The following CNTN4 variants were observed in gnomAD, a reference collection of about 807,000 sequenced individuals.
The protein encoded by CNTN4 is contactin-4.
A neutral mutation model predicts 122.5 loss-of-function variants in CNTN4; 77 were observed. The observed-to-expected ratio is 0.63, with a 90% confidence interval of 0.52 to 0.76. The LOEUF is 0.76. CNTN4 is among the 30% of genes least tolerant of loss of function. The pLI, the probability that CNTN4 is intolerant of heterozygous loss-of-function variation, is 0.00. For missense variants in CNTN4, 1,256 were observed against 1,259.1 expected (o/e 1.00, Z 0.04); for synonymous variants, 512 against 447.0 (o/e 1.15, Z -1.83).
chr3:2,771,603 T>G (rs1183281685), intron 6 of CNTN4, among the ~76,000 whole-genome samples: 2 of 152,208 alleles, frequency 1.3e-5, no homozygotes, highest in East Asian at 3.8e-4. Context: ...GTTGACATAT[T>G]TTCTTCCAAT....
chr3:2,941,152 C>T (rs2094611102), intron 13 of CNTN4, among the ~76,000 whole-genome samples: 1 of 151,972 alleles, frequency 6.6e-6, no homozygotes, highest in African/African-American at 2.4e-5. Flanking sequence ...TTCTCAAGGA[C>T]TTTCCCTCCT....
At chr3:2,846,354 C>T (rs1315005197) in intron 7 of CNTN4, among the ~76,000 whole-genome samples, 1 of 152,160 alleles carries the variant, frequency 6.6e-6, no homozygotes, top group African/African-American at 2.4e-5. Context: ...CCTTCCTTCG[C>T]TTTCATTGTC....
intron 3 of CNTN4, among the ~76,000 whole-genome samples, chr3:2,540,058 C>T (rs1176375268): frequency 6.8e-6 from 1 of 146,670 alleles, no homozygotes; most frequent in Non-Finnish European, 1.5e-5. Flanking sequence ...CCATAATCTG[C>T]TTCATCAGTG....
At position 2,872,573 on chromosome 3, in the gene CNTN4, T is replaced by C. The variant is rs191669499; in HGVS notation, c.652+5624T>C. On this transcript the variant is annotated intron_variant, in intron 8 of 24. Coordinates refer to ENST00000418658, the MANE Select transcript of CNTN4 (RefSeq NM_175607.3). Reference sequence around the variant, plus strand: ...GATAGGTCCATGCATTGCACAGTAATTGTTAAATATTTTTGAATATTAACC... The same window carrying C: ...GATAGGTCCATGCATTGCACAGTAACTGTTAAATATTTTTGAATATTAACC... Among the ~76,000 whole-genome samples the C allele has an allele frequency of 2.6e-3, 398 of 152,274 alleles. 3 individuals carry two copies. The highest frequency in any genetic ancestry group is 6.4e-3 in the African/African-American group (264 of 41,568).
intron 13 of CNTN4, among the ~76,000 whole-genome samples, chr3:2,966,743 A>G (rs951800596): frequency 6.6e-6 from 1 of 152,226 alleles, no homozygotes; most frequent in Non-Finnish European, 1.5e-5. Context: ...TCCCATAAAT[A>G]TATATGCCTA....
chr3:2,589,147 A>C (rs577943067), intron 4 of CNTN4, among the ~76,000 whole-genome samples: 1 of 152,208 alleles, frequency 6.6e-6, no homozygotes, highest in Non-Finnish European at 1.5e-5. Context: ...GCCCTAGAAC[A>C]GCGATGGCCT....
intron 23 of CNTN4, among the ~76,000 whole-genome samples, chr3:3,051,293 C>G (rs1376487733): frequency 6.6e-6 from 1 of 152,132 alleles, no homozygotes; most frequent in East Asian, 1.9e-4. Context: ...ATATCAAATG[C>G]AAGCACAGCC....
Position 2,790,880 on chromosome 3 carries a change from C to A in CNTN4, c.359-28606C>A, listed in dbSNP as rs576600169. Among the ~76,000 whole-genome samples the A allele has an allele frequency of 8.5e-5, 13 of 152,270 alleles. No homozygotes were observed. In the South Asian group the frequency reaches 2.5e-3, roughly 29 times the overall value. ...AGTATTTGATGATAATCAGCATCTG[C>A]CATCACCATTTTGCAGACATGACAG... On this transcript the variant is annotated intron_variant, in intron 6 of 24. Transcript: ENST00000418658.
intron 2 of CNTN4, among the ~76,000 whole-genome samples, chr3:2,319,001 G>A (rs1469682823): frequency 2.0e-5 from 3 of 152,038 alleles, no homozygotes; most frequent in East Asian, 1.9e-4. Flanking sequence ...TTTACGGAGG[G>A]GCCAGTTAAC....
chr3:2,353,895 T>C (rs554156621), intron 3 of CNTN4, among the ~76,000 whole-genome samples: 2 of 151,618 alleles, frequency 1.3e-5, no homozygotes, highest in African/African-American at 2.4e-5. Flanking sequence ...CGAGACTCCG[T>C]CTCAAAAAAA....
intron 2 of CNTN4, among the ~76,000 whole-genome samples, chr3:2,200,030 A>G (rs992532838): frequency 2.0e-5 from 3 of 152,208 alleles, no homozygotes; most frequent in Non-Finnish European, 2.9e-5. Context: ...ATGGGACAGC[A>G]TTGGAGACTT....
chr3:2,763,384 C>G (rs182671612), intron 6 of CNTN4, among the ~76,000 whole-genome samples: 5 of 152,110 alleles, frequency 3.3e-5, no homozygotes, highest in African/African-American at 1.2e-4. Flanking sequence ...AGATATTAGA[C>G]CTTAATCAGA....
intron 4 of CNTN4, among the ~76,000 whole-genome samples, chr3:2,595,913 G>A (rs1473722919): frequency 6.6e-6 from 1 of 152,092 alleles, no homozygotes; most frequent in Non-Finnish European, 1.5e-5. Context: ...ATCGCCATGA[G>A]GATTATGTAT....
intron 3 of CNTN4, among the ~76,000 whole-genome samples, chr3:2,484,502 A>G (rs548688358): frequency 6.6e-6 from 1 of 152,282 alleles, no homozygotes; most frequent in East Asian, 1.9e-4. Context: ...GGACCCTGGA[A>G]GCAATTTATA....
intron 3 of CNTN4, among the ~76,000 whole-genome samples, chr3:2,515,297 A>T (rs2077008625): frequency 6.6e-6 from 1 of 152,182 alleles, no homozygotes; most frequent in Non-Finnish European, 1.5e-5. Flanking sequence ...TATACTCTAA[A>T]TTGAAGATGA....
intron 13 of CNTN4, among the ~76,000 whole-genome samples, chr3:2,950,301 T>C (rs1381777660): frequency 1.3e-5 from 2 of 152,214 alleles, no homozygotes; most frequent in African/African-American, 4.8e-5. Flanking sequence ...ACTCAGGTTG[T>C]CTGGCATCTG....
chr3:2,788,694 A>G (rs550200210), intron 6 of CNTN4, among the ~76,000 whole-genome samples: 5 of 152,198 alleles, frequency 3.3e-5, no homozygotes, highest in Admixed American at 2.6e-4. Flanking sequence ...GCTCTAAAAA[A>G]CAGTCATTAG....
intron 2 of CNTN4, among the ~76,000 whole-genome samples, chr3:2,267,495 C>T (rs547486810): frequency 2.1e-4 from 32 of 152,138 alleles, no homozygotes; most frequent in East Asian, 1.9e-3. Context: ...TATTGTTTCA[C>T]GGTTCTACAG....
At chr3:2,404,012 A>G (rs2046945507) in intron 3 of CNTN4, among the ~76,000 whole-genome samples, 1 of 152,134 alleles carries the variant, frequency 6.6e-6, no homozygotes, top group South Asian at 2.1e-4. Context: ...TTCACATCAG[A>G]CATTTGTGAT....
Sources: allele counts gnomAD v4.1 joint callset (sites outside exome capture counted in the v4.1 genomes callset), GRCh38; gene constraint gnomAD v4.1.1; transcripts MANE v1.5; gene names NCBI Gene and HGNC (gene_info 2026-07-23, HGNC 2026-07-21).